The following ABCA3 variants were observed in gnomAD, a reference collection of about 807,000 sequenced individuals.
The protein encoded by ABCA3 is ATP binding cassette subfamily A member 3, also known as phospholipid-transporting ATPase ABCA3.
ABCA3 carries 88 observed loss-of-function variants against 172.8 expected under a neutral mutation model. The observed-to-expected ratio is 0.51, with a 90% CI of 0.43 to 0.61. The LOEUF (loss-of-function observed/expected upper bound fraction) is 0.61. Ranked by LOEUF, ABCA3 falls within the 20% of genes least tolerant of loss-of-function variation. The pLI is 0.00. For synonymous variants in ABCA3, 1,066 were observed against 983.8 expected, an observed-to-expected ratio of 1.08 and a Z score of -1.56; for missense variants, 2,164 against 2,301.0, an observed-to-expected ratio of 0.94 and a Z score of 1.22.
At chr16:2,294,509 G>T (rs1399033850) in intron 18 of ABCA3, among the ~76,000 whole-genome samples, 1 of 151,484 alleles carries the variant, frequency 6.6e-6, no homozygotes, top group African/African-American at 2.4e-5. Flanking sequence ...AACATAACAA[G>T]ACCCCATCTC....
intron 1 of ABCA3, among the ~76,000 whole-genome samples, chr16:2,331,387 C>G (rs574144762): frequency 6.6e-6 from 1 of 152,220 alleles, no homozygotes; most frequent in Non-Finnish European, 1.5e-5. Flanking sequence ...TTAATAGAGA[C>G]GGAGTTTTGC....
chr16:2,337,429 T>C (rs895461048), intron 1 of ABCA3, among the ~76,000 whole-genome samples: 6 of 151,280 alleles, frequency 4.0e-5, no homozygotes, highest in Non-Finnish European at 8.8e-5. Context: ...GGAGTATAGA[T>C]AGTGGTGTGA....
rs754028122 is a variant in ABCA3, at chr16:2,284,230, G to A, written c.3862+49C>T. 5.7e-6 allele frequency: 9 copies of A among 1,590,180 alleles called. No homozygotes were observed. In the Admixed American group the frequency reaches 6.8e-5, roughly 12 times the overall value. ...TAGGAGGCCCCTCTGCAGTGACCAC[G>A]TCCTGAGGACGCAGGGGTGCTGCCC... is the stretch of plus-strand genomic sequence containing the variant. On this transcript the variant is annotated intron_variant, in intron 25 of 32. Transcript: ENST00000301732. The surrounding 1 kb of genome is among the most constrained non-coding windows in gnomAD (Gnocchi z 5.9).
intron 1 of ABCA3, among the ~76,000 whole-genome samples, chr16:2,331,791 T>C (rs1567356968): frequency 6.6e-6 from 1 of 152,170 alleles, no homozygotes; most frequent in Non-Finnish European, 1.5e-5. Context: ...CATCAGCTAC[T>C]CTAAGTTAAA....
Position 2,276,411 on chromosome 16 carries a change from C to A in ABCA3, c.*263G>T. On this transcript the variant is annotated 3_prime_UTR_variant, in exon 33 of 33. Coordinates refer to ENST00000301732, the MANE Select transcript of ABCA3 (RefSeq NM_001089.3). ...AGCTCTCCACCCAGAGACCCCGGAGCTTGCCCGCAGACTGCCCGGCCTGCC... is the reference window on the plus strand; with the variant it reads ...AGCTCTCCACCCAGAGACCCCGGAGATTGCCCGCAGACTGCCCGGCCTGCC... The A allele has an allele frequency of 3.2e-6, 2 of 630,864 alleles. No individual in the cohort carries two copies. Among genetic ancestry groups the A allele is most frequent in the South Asian group, 1.5e-5 (1 of 66,138 alleles). 39.1% of individuals were successfully genotyped at this position (630,864 alleles called of 1,614,324 possible).
chr16:2,294,023 A>G (rs1486214257), intron 18 of ABCA3, among the ~76,000 whole-genome samples: 5 of 141,436 alleles, frequency 3.5e-5, no homozygotes, highest in Non-Finnish European at 6.1e-5. Context: ...TTTTTTTTTG[A>G]GATGGAGTCT....
intron 11 of ABCA3, among the ~76,000 whole-genome samples, chr16:2,304,675 ATTT>A (rs1223632245): frequency 1.0e-5 from 1 of 99,814 alleles, no homozygotes; most frequent in Non-Finnish European, 2.1e-5. Flanking sequence ...CCTGGGCTAA[ATTT>A]TTTTTTTTTT....
chr16:2,279,762 G>A lies in ABCA3; in HGVS notation c.4360-632C>T, dbSNP rs1373930888. On this transcript the variant is annotated intron_variant, in intron 28 of 32. Transcript: ENST00000301732. The surrounding 1 kb of genome is among the most constrained non-coding windows in gnomAD (Gnocchi z 4.4). ...CCAGAATTTTTTTTTTTTTTTTTGA[G>A]ACAGAGTCTTACTCTGTCTCCCTTA... 1.4e-5 allele frequency among the ~76,000 whole-genome samples: 2 copies of A among 143,056 alleles called. No homozygotes were observed. Among genetic ancestry groups the A allele is most frequent in the African/African-American group, 2.6e-5 (1 of 38,154 alleles). 93.9% of individuals were successfully genotyped at this position (143,056 alleles called of 152,430 possible). A position where few individuals can be genotyped will look rare whatever the true frequency, so the allele number is the denominator to read the frequency against.
chr16:2,281,408 T>C lies in ABCA3; in HGVS notation c.4137A>G (p.Thr1379=). Residue 1379 remains threonine (T), a synonymous_variant, in exon 27 of 33, where the codon ACA becomes ACG. Transcript: ENST00000301732. The surrounding 1 kb of genome is among the most constrained non-coding windows in gnomAD (Gnocchi z 4.7). ...LAPSPDSLLH[T]PLIIKELSKV... The stretch of plus-strand genomic sequence containing the variant: ...TGGAGAGCTCCTTGATAATCAGAGG[T>C]GTGTGGAGCAGGGAGTCCGGACTGG... 6.2e-7 allele frequency: 1 copy of C among 1,613,480 alleles called. No individual in the cohort carries two copies. Among genetic ancestry groups the C allele is most frequent in the Non-Finnish European group, 8.5e-7 (1 of 1,179,944 alleles).
At chr16:2,331,327 C>T (rs551361432) in intron 1 of ABCA3, among the ~76,000 whole-genome samples, 6 of 152,212 alleles carry the variant, frequency 3.9e-5, no homozygotes, top group African/African-American at 1.4e-4. Context: ...ATCTCAGCCT[C>T]CCAAGTAGCT....
intron 1 of ABCA3, among the ~76,000 whole-genome samples, chr16:2,335,877 G>A (rs2093750933): frequency 6.6e-6 from 1 of 152,168 alleles, no homozygotes; most frequent in Non-Finnish European, 1.5e-5. Context: ...TGACTTGGAG[G>A]TTTACTGGTC....
chr16:2,327,993 T>A (rs995690854), intron 3 of ABCA3, among the ~76,000 whole-genome samples: 2 of 152,192 alleles, frequency 1.3e-5, no homozygotes, highest in Non-Finnish European at 2.9e-5. Flanking sequence ...AGTGCTGGGA[T>A]TATAGGCGTG....
chr16:2,298,549 C>T lies in ABCA3; in HGVS notation c.1742-9G>A, dbSNP rs2093683792. ...GGTGGGGGGAAAGAGACCTGGGGCCCAGCAGGAGACCCCACATTCAGCATG... is the reference window on the plus strand; with the variant it reads ...GGTGGGGGGAAAGAGACCTGGGGCCTAGCAGGAGACCCCACATTCAGCATG... On this transcript the variant is annotated splice_polypyrimidine_tract_variant and intron_variant, in intron 14 of 32. Transcript: ENST00000301732. The T allele has an allele frequency of 6.2e-7, 1 of 1,612,454 alleles. No homozygotes were observed. The highest frequency in any genetic ancestry group is 8.5e-7 in the Non-Finnish European group (1 of 1,179,974).
At chr16:2,316,350 A>G (rs977555728) in intron 10 of ABCA3, among the ~76,000 whole-genome samples, 5 of 137,616 alleles carry the variant, frequency 3.6e-5, no homozygotes, top group Non-Finnish European at 6.3e-5. Context: ...AAAAGAAAAG[A>G]AAAAAAAAAA....
chr16:2,286,725 C>T lies in ABCA3; in HGVS notation c.3247G>A (p.Ala1083Thr), dbSNP rs145415984. The T allele has an allele frequency of 5.8e-5, 93 of 1,613,624 alleles. No homozygotes were observed. In the East Asian group the frequency reaches 8.2e-4, roughly 14 times the overall value. Residue 1083 changes from alanine to threonine, a missense_variant, in exon 22 of 33, where the codon GCC becomes ACC. Physicochemically the swap from Ala to Thr is moderately conservative, Grantham distance 58. Around this residue, in one of 3 missense-constraint regions of ABCA3, gnomAD observed 795 missense variants for 881.9 expected, o/e 0.90. Transcript: ENST00000301732. This position sits in a 1 kb window ranked among gnomAD's most constrained non-coding sequence, Gnocchi z 5.2. ...VVSNFPQPRS[A>T]LQAAKDQFNE... ...AACTGGTCCTTGGCAGCCTGCAGGG[C>T]GCTCCGGGGCTGGGGGAAGTTGGAG... is the stretch of plus-strand genomic sequence containing the variant.
chr16:2,317,835 C>T (rs903832641), intron 8 of ABCA3, 71 bp from the exon 9 acceptor site: 82 of 1,423,426 alleles, frequency 5.8e-5, no homozygotes, highest in South Asian at 1.3e-4. Flanking sequence ...CCAGGCTGGA[C>T]GGCAGCAGGC....
chr16:2,324,397 G>T lies in ABCA3; in HGVS notation c.447+7C>A. Reference sequence around the variant, plus strand: ...CTGTGACTGCTCGGCCCGGCCGCACGTCTCACCGCCAGCGGCAGGGGCTCC... The same window carrying T: ...CTGTGACTGCTCGGCCCGGCCGCACTTCTCACCGCCAGCGGCAGGGGCTCC... On this transcript the variant is annotated splice_region_variant and intron_variant, in intron 6 of 32. Transcript: ENST00000301732. The T allele has an allele frequency of 6.3e-7, 1 of 1,591,168 alleles. No individual in the cohort carries two copies. The highest frequency in any genetic ancestry group is 8.5e-7 in the Non-Finnish European group (1 of 1,174,214).
chr16:2,287,972 T>C lies in ABCA3; in HGVS notation c.3004+54A>G. ...CTGCTGCAGTCAGGAAGGCGAACTC[T>C]GGCTGCAGGACTGGCCCCCGATGCC... On this transcript the variant is annotated intron_variant, in intron 21 of 32. Transcript: ENST00000301732. This position sits in a 1 kb window ranked among gnomAD's most constrained non-coding sequence, Gnocchi z 4.1. 10 of 1,590,022 alleles carry C rather than the reference T, an allele frequency of 6.3e-6. No individual in the cohort carries two copies. The highest frequency in any genetic ancestry group is 8.5e-6 in the Non-Finnish European group (10 of 1,174,294).
rs1307541132 is a variant in ABCA3 at position 2,279,363 on chromosome 16, G to A, written c.4360-233C>T. On this transcript the variant is annotated intron_variant, in intron 28 of 32. Coordinates refer to ENST00000301732, the MANE Select transcript of ABCA3 (RefSeq NM_001089.3). This position sits in a 1 kb window ranked among gnomAD's most constrained non-coding sequence, Gnocchi z 4.4. ...TGCCTGGTGCAGGGAGGCTTCCAGA[G>A]CTGCTCTCAGAGCCTGGTCCAGGAC... Among the ~76,000 whole-genome samples the A allele has an allele frequency of 6.6e-6, 1 of 152,236 alleles. No homozygotes were observed. The highest frequency in any genetic ancestry group is 1.5e-5 in the Non-Finnish European group (1 of 68,036).
Sources: gnomAD v4.1 joint callset for allele counts (sites outside exome capture counted in the v4.1 genomes callset) on GRCh38, gnomAD v4.1.1 for gene constraint, gnomAD v4.1.1 regional missense constraint, Gnocchi (gnomAD v3.1) non-coding constraint, MANE v1.5 for transcripts, NCBI Gene and HGNC (gene_info 2026-07-23, HGNC 2026-07-21) for gene names.